The following LYPD6B variants were observed in gnomAD, a reference collection of about 807,000 sequenced individuals.
The protein encoded by LYPD6B is ly6/PLAUR domain-containing protein 6B.
In LYPD6B, 17 loss-of-function variants were observed where a neutral mutation model predicts 22.8. The observed-to-expected ratio is 0.75, with a 90% CI of 0.51 to 1.12. LYPD6B has a LOEUF of 1.12. LYPD6B is among the 50% of genes most tolerant of loss of function. The pLI is 0.00. For missense variants in LYPD6B, 221 were observed against 258.3 expected (o/e 0.86, Z 0.99); for synonymous variants, 106 against 91.6 (o/e 1.16, Z -0.90).
chr2:149,090,683 A>G (rs1424602409), intron 1 of LYPD6B, among the ~76,000 whole-genome samples: 1 of 152,182 alleles, frequency 6.6e-6, no homozygotes, highest in Non-Finnish European at 1.5e-5. Context: ...CCTAGGGGTG[A>G]TAACTCAGGC....
chr2:149,116,720 A>G (rs1016718834), intron 1 of LYPD6B, among the ~76,000 whole-genome samples: 1 of 152,222 alleles, frequency 6.6e-6, no homozygotes, highest in South Asian at 2.1e-4. Flanking sequence ...CTGACATATA[A>G]TGGGCACTCA....
chr2:149,075,559 A>G (rs1465104514), intron 1 of LYPD6B, among the ~76,000 whole-genome samples: 4 of 152,216 alleles, frequency 2.6e-5, no homozygotes, highest in African/African-American at 9.6e-5. Flanking sequence ...AAAGTTGTCA[A>G]ACTTCTCTTG....
At chr2:149,174,786 G>T (rs370258778) in intron 3 of LYPD6B, among the ~76,000 whole-genome samples, 1 of 151,804 alleles carries the variant, frequency 6.6e-6, no homozygotes, top group East Asian at 2.0e-4. Context: ...CCTGTCAGAG[G>T]TTGGGGGGGT....
intron 1 of LYPD6B, among the ~76,000 whole-genome samples, chr2:149,111,973 A>G (rs1686778752): frequency 1.3e-5 from 2 of 152,334 alleles, no homozygotes; most frequent in South Asian, 4.1e-4. Flanking sequence ...GTTGAGGAAA[A>G]TAAGGTCTTA....
intron 1 of LYPD6B, among the ~76,000 whole-genome samples, chr2:149,041,488 C>T (rs1683086430): frequency 6.6e-6 from 1 of 152,150 alleles, no homozygotes; most frequent in African/African-American, 2.4e-5. Flanking sequence ...AAGAGGGGCC[C>T]ATGATTGTTT....
At chr2:149,181,914 G>A (rs1691754505) in intron 3 of LYPD6B, among the ~76,000 whole-genome samples, 1 of 152,104 alleles carries the variant, frequency 6.6e-6, no homozygotes, top group Non-Finnish European at 1.5e-5. Flanking sequence ...CAAGGAAAAG[G>A]CAGCATGGTA....
intron 2 of LYPD6B, among the ~76,000 whole-genome samples, chr2:149,152,116 A>C (rs1689419075): frequency 6.6e-6 from 1 of 152,012 alleles, no homozygotes; most frequent in African/African-American, 2.4e-5. Flanking sequence ...CTGCCTACAG[A>C]ATTTCTTTTA....
intron 1 of LYPD6B, among the ~76,000 whole-genome samples, chr2:149,074,459 T>C (rs533376517): frequency 6.6e-6 from 1 of 152,312 alleles, no homozygotes; most frequent in East Asian, 1.9e-4. Context: ...GATAGGATGA[T>C]AGGTGATAGG....
At chr2:149,168,950 C>T (rs1187361062) in intron 3 of LYPD6B, among the ~76,000 whole-genome samples, 2 of 152,104 alleles carry the variant, frequency 1.3e-5, no homozygotes, top group African/African-American at 4.8e-5. Context: ...CTCTAATGGG[C>T]AACAATTATG....
chr2:149,085,378 C>T (rs1437936075), intron 1 of LYPD6B, among the ~76,000 whole-genome samples: 1 of 152,232 alleles, frequency 6.6e-6, no homozygotes, highest in Non-Finnish European at 1.5e-5. Context: ...GGTGGCAATG[C>T]CCTTGCAGTA....
intron 2 of LYPD6B, among the ~76,000 whole-genome samples, chr2:149,140,848 C>T (rs980092123): frequency 1.1e-4 from 16 of 152,098 alleles, no homozygotes; most frequent in Middle Eastern, 3.2e-3. Context: ...TTTGATCGTT[C>T]GTTAGGCATA....
At chr2:149,052,923 T>G (rs1438245393) in intron 1 of LYPD6B, among the ~76,000 whole-genome samples, 1 of 152,216 alleles carries the variant, frequency 6.6e-6, no homozygotes, top group Admixed American at 6.5e-5. Context: ...TCTATTGGCT[T>G]GTTTCAATGG....
At chr2:149,114,953 A>G (rs1686929360) in intron 1 of LYPD6B, among the ~76,000 whole-genome samples, 1 of 152,024 alleles carries the variant, frequency 6.6e-6, no homozygotes, top group South Asian at 2.1e-4. Context: ...TATTATTATT[A>G]TTTTGAGATG....
intron 1 of LYPD6B, among the ~76,000 whole-genome samples, chr2:149,081,184 C>A (rs1216494517): frequency 6.6e-6 from 1 of 152,102 alleles, no homozygotes; most frequent in African/African-American, 2.4e-5. Flanking sequence ...AGATCAAAGG[C>A]CTTTGTAATT....
intron 3 of LYPD6B, among the ~76,000 whole-genome samples, chr2:149,196,823 C>G (rs987271397): frequency 2.6e-5 from 4 of 152,220 alleles, no homozygotes; most frequent in Non-Finnish European, 4.4e-5. Context: ...TTTTCTATGT[C>G]AGCTGAGGCT....
intron 3 of LYPD6B, among the ~76,000 whole-genome samples, chr2:149,197,931 T>C (rs1009625438): frequency 2.6e-5 from 4 of 152,236 alleles, no homozygotes; most frequent in Non-Finnish European, 2.9e-5. Context: ...TCAACGCACT[T>C]ATTAGGTTCC....
At chr2:149,049,448 A>G (rs975739109) in intron 1 of LYPD6B, among the ~76,000 whole-genome samples, 3 of 152,236 alleles carry the variant, frequency 2.0e-5, no homozygotes, top group South Asian at 2.1e-4. Context: ...AATCAATTAC[A>G]TGATGCACCA....
chr2:149,171,194 C>T (rs183532853), intron 3 of LYPD6B, among the ~76,000 whole-genome samples: 28 of 152,100 alleles, frequency 1.8e-4, no homozygotes, highest in Admixed American at 7.9e-4. Context: ...CCATTGCCTG[C>T]GATTCCTGTG....
At chr2:149,177,842 T>C (rs993720242) in intron 3 of LYPD6B, among the ~76,000 whole-genome samples, 2 of 151,504 alleles carry the variant, frequency 1.3e-5, no homozygotes, top group African/African-American at 4.9e-5. Flanking sequence ...AGAGTTTTTT[T>C]TTTTTTTTTT....
Sources: gnomAD v4.1 joint callset for allele counts (sites outside exome capture counted in the v4.1 genomes callset) on GRCh38, gnomAD v4.1.1 for gene constraint, MANE v1.5 for transcripts, NCBI Gene and HGNC (gene_info 2026-07-23, HGNC 2026-07-21) for gene names.